KHDC4: variants seen among roughly 807,000 people sequenced by gnomAD.
KHDC4 encodes KH domain containing 4, pre-mRNA splicing factor, also known as KH homology domain-containing protein 4.
A neutral mutation model predicts 74.5 loss-of-function variants in KHDC4; 19 were observed. The observed-to-expected ratio is 0.26, with a 90% CI of 0.18 to 0.37. The LOEUF is 0.37. Ranked by LOEUF, KHDC4 falls within the 10% of genes least tolerant of loss-of-function variation. The pLI is 1.00. For missense variants in KHDC4, 632 were observed against 754.1 expected (o/e 0.84, Z 1.90); for synonymous variants, 253 against 266.1 (o/e 0.95, Z 0.48).
intron 6 of KHDC4, chr1:155,926,157 T>C: frequency 1.9e-6 from 1 of 528,022 alleles, no homozygotes; most frequent in Non-Finnish European, 3.7e-6. Context: ...CCTTCTGCTC[T>C]ATCAATCTCC....
rs753546688 is a variant in KHDC4, at chr1:155,926,046, A to C, written c.682-203T>G. The stretch of plus-strand genomic sequence containing the variant: ...TTTTTCTAGGAGGAATGTATCAGCA[A>C]AGTCTTACTTCATCAGACTCAGCCT... On this transcript the variant is annotated intron_variant, in intron 6 of 13. Coordinates refer to ENST00000368321, the MANE Select transcript of KHDC4 (RefSeq NM_014949.4). The C allele has an allele frequency of 6.7e-6, 5 of 740,798 alleles. No individual in the cohort carries two copies. The Admixed American group carries it at 8.6e-5, about 13-fold the overall frequency. The allele number at this position is 740,798 out of a possible 1,614,324, so 45.9% of individuals were successfully genotyped here.
At chr1:155,929,901 T>C in intron 2 of KHDC4, 61 bp from the exon 3 acceptor site, 2 of 1,150,884 alleles carry the variant, frequency 1.7e-6, no homozygotes, top group Non-Finnish European at 2.3e-6. Flanking sequence ...TATTTTTTTA[T>C]TTTATTTATT....
intron 7 of KHDC4, among the ~76,000 whole-genome samples, chr1:155,925,368 A>T (rs897280805): frequency 2.1e-4 from 31 of 150,974 alleles, no homozygotes; most frequent in African/African-American, 7.6e-4. Context: ...GGGTTTTGCT[A>T]TGTTGCCCAG....
chr1:155,927,754 G>T (rs1401864947), intron 4 of KHDC4, among the ~76,000 whole-genome samples: 2 of 121,568 alleles, frequency 1.6e-5, no homozygotes, highest in Non-Finnish European at 1.6e-5. Flanking sequence ...AATGACCCAA[G>T]ATCATGCCAT....
chr1:155,928,915 G>GC (rs1674083207), intron 4 of KHDC4, among the ~76,000 whole-genome samples: 1 of 143,594 alleles, frequency 7.0e-6, no homozygotes, highest in African/African-American at 2.6e-5. Flanking sequence ...TCACGCCACT[G>GC]CACTATAGCC....
intron 12 of KHDC4, among the ~76,000 whole-genome samples, chr1:155,916,344 T>C (rs1475380083): frequency 2.0e-5 from 3 of 152,242 alleles, no homozygotes; most frequent in Non-Finnish European, 4.4e-5. Context: ...TTTCTGTTAC[T>C]GTCTACCCTT....
intron 6 of KHDC4, 141 bp downstream of exon 6, chr1:155,926,535 C>T: frequency 1.1e-6 from 1 of 901,046 alleles, no homozygotes; most frequent in East Asian, 2.6e-5. Flanking sequence ...TCAGGCTGGT[C>T]CAAATTCCTG....
chr1:155,929,555 T>C (rs2102608610), intron 3 of KHDC4, among the ~76,000 whole-genome samples, 157 bp downstream of exon 3: 1 of 152,326 alleles, frequency 6.6e-6, no homozygotes, highest in African/African-American at 2.4e-5. Context: ...TTTATATCCA[T>C]TCCATTATCT....
chr1:155,915,685 T>C, intron 13 of KHDC4, 188 bp downstream of exon 13: 1 of 511,816 alleles, frequency 2.0e-6, no homozygotes, highest in Non-Finnish European at 3.5e-6. Context: ...TTTTGTATTT[T>C]TAGTAGAGAT....
intron 2 of KHDC4, among the ~76,000 whole-genome samples, chr1:155,930,884 C>T (rs960273467): frequency 4.6e-5 from 7 of 152,102 alleles, no homozygotes; most frequent in Non-Finnish European, 1.0e-4. Flanking sequence ...TGTGGTGGTT[C>T]GTGCCTGTAA....
intron 10 of KHDC4, chr1:155,920,112 A>G: frequency 3.1e-6 from 1 of 326,818 alleles, no homozygotes; most frequent in Non-Finnish European, 6.5e-6. Context: ...TTATCCAGAC[A>G]TCTACTCTTT....
chr1:155,923,234 A>G (rs1673907477), intron 8 of KHDC4, among the ~76,000 whole-genome samples: 1 of 152,094 alleles, frequency 6.6e-6, no homozygotes, highest in South Asian at 2.1e-4. Context: ...TTGGTTGTTT[A>G]TAGAATAAAA....
intron 7 of KHDC4, among the ~76,000 whole-genome samples, chr1:155,925,088 G>A (rs1449385998): frequency 1.3e-5 from 2 of 149,556 alleles, no homozygotes; most frequent in African/African-American, 2.5e-5. Flanking sequence ...GTGCAGTGGC[G>A]CAATCTCAGC....
rs760009208 is a variant in KHDC4, at chr1:155,934,357, G to C, written c.17C>G (p.Ala6Gly). ...GTACCCGCCAGCTCCAGGATGTGTC[G>C]CGCTCCCCGCGGACATGGCGACCGC... The part of the protein sequence containing the change: MSAGS[A>G]THPGAGGRRS... Residue 6 changes from alanine to glycine, a missense_variant, in exon 1 of 14, where the codon GCG (alanine) becomes GGG (glycine). By Grantham distance (60) the Ala-to-Gly change is moderately conservative (BLOSUM62 0). This residue lies in a region of KHDC4 where 104 missense variants were observed against 78.1 expected (regional missense o/e 1.33). Transcript: ENST00000368321. 4 of 1,611,084 alleles carry C rather than the reference G, an allele frequency of 2.5e-6. No individual in the cohort carries two copies. Among genetic ancestry groups the C allele is most frequent in the Non-Finnish European group, 3.4e-6 (4 of 1,179,888 alleles).
At chr1:155,933,097 T>A (rs189842943) in intron 2 of KHDC4, among the ~76,000 whole-genome samples, 18 of 152,254 alleles carry the variant, frequency 1.2e-4, no homozygotes, top group African/African-American at 4.3e-4. Context: ...CAGCTTAAGC[T>A]GAACTAAGTG....
chr1:155,932,748 G>C lies in KHDC4; in HGVS notation c.255+885C>G, dbSNP rs1674166833. 1.3e-5 allele frequency: 2 copies of C among 151,964 alleles called. 1 individual carries two copies. The highest frequency in any genetic ancestry group is 1.3e-4 in the Admixed American group (2 of 15,238). 9.4% of individuals were successfully genotyped at this position (151,964 alleles called of 1,614,324 possible). A position where few individuals can be genotyped will look rare whatever the true frequency, so the allele number is the denominator to read the frequency against. ...GGCAGAGATGAGCTTGGTCAACATG[G>C]TGAAACCCTGTCTACTAAAAACACA... On this transcript the variant is annotated intron_variant, in intron 2 of 13. Transcript: ENST00000368321.
chr1:155,920,757 C>T (rs1673845441), intron 10 of KHDC4, among the ~76,000 whole-genome samples: 1 of 152,172 alleles, frequency 6.6e-6, no homozygotes, highest in Admixed American at 6.5e-5. Context: ...TGGTCTCAAA[C>T]TGTGCTAAAG....
intron 7 of KHDC4, among the ~76,000 whole-genome samples, chr1:155,923,969 T>C (rs924725724): frequency 6.6e-6 from 1 of 152,196 alleles, no homozygotes; most frequent in African/African-American, 2.4e-5. Flanking sequence ...CGTATTAATA[T>C]TGACATAGGT....
intron 11 of KHDC4, among the ~76,000 whole-genome samples, chr1:155,917,187 G>T (rs555565237): frequency 6.6e-6 from 1 of 152,264 alleles, no homozygotes; most frequent in Admixed American, 6.5e-5. Flanking sequence ...AGTCTTGAGG[G>T]GTGGGGAGAC....
Sources: allele counts gnomAD v4.1 joint callset (sites outside exome capture counted in the v4.1 genomes callset), GRCh38; gene constraint gnomAD v4.1.1; regional missense constraint gnomAD v4.1.1; transcripts MANE v1.5; gene names NCBI Gene and HGNC (gene_info 2026-07-23, HGNC 2026-07-21).